The following ANGPT1 variants were observed in gnomAD, a reference collection of about 807,000 sequenced individuals.
ANGPT1 encodes the protein angiopoietin 1.
Under a neutral mutation model 62.2 loss-of-function variants are expected in ANGPT1, and 17 were observed. The observed-to-expected ratio is 0.27, with a 90% CI of 0.19 to 0.41. The LOEUF (loss-of-function observed/expected upper bound fraction) is 0.41, where lower values mean the gene tolerates loss of function less well. Among genes scored for constraint, ANGPT1 ranks in the 10% least tolerant of loss-of-function variants. The pLI is 1.00. For synonymous variants in ANGPT1, 199 were observed against 198.9 expected, an observed-to-expected ratio of 1.00 and a Z score of 0.00; for missense variants, 478 against 594.9, an observed-to-expected ratio of 0.80 and a Z score of 2.04.
intron 8 of ANGPT1, among the ~76,000 whole-genome samples, chr8:107,257,876 G>GTA (rs1813396590): frequency 1.2e-5 from 1 of 85,260 alleles, no homozygotes; most frequent in East Asian, 3.4e-4. Flanking sequence ...ACTTGTTTTT[G>GTA]TTTCTTTTTT....
chr8:107,294,097 T>C (rs1563554340), intron 5 of ANGPT1, 60 bp from the exon 6 acceptor site: 7 of 1,380,460 alleles, frequency 5.1e-6, no homozygotes, highest in Non-Finnish European at 5.1e-6. Flanking sequence ...ACATATATCC[T>C]ACATGTTTCA....
chr8:107,446,298 T>A (rs1359402971), intron 1 of ANGPT1, among the ~76,000 whole-genome samples: 1 of 152,224 alleles, frequency 6.6e-6, no homozygotes, highest in Non-Finnish European at 1.5e-5. Context: ...TTTTTATATA[T>A]TTTTGTAGTA....
intron 4 of ANGPT1, among the ~76,000 whole-genome samples, chr8:107,304,034 C>G (rs1471634454): frequency 6.6e-6 from 1 of 151,826 alleles, no homozygotes; most frequent in Non-Finnish European, 1.5e-5. Context: ...TTACTTTGTT[C>G]TTTCTTTAAT....
intron 1 of ANGPT1, among the ~76,000 whole-genome samples, chr8:107,348,825 G>A (rs1450016685): frequency 6.6e-6 from 1 of 152,106 alleles, no homozygotes; most frequent in African/African-American, 2.4e-5. Flanking sequence ...AAATGCTTCA[G>A]GTAGAGTTGT....
chr8:107,359,817 G>A (rs967897368), intron 1 of ANGPT1, among the ~76,000 whole-genome samples: 1 of 152,128 alleles, frequency 6.6e-6, no homozygotes, highest in Non-Finnish European at 1.5e-5. Flanking sequence ...TCTGGCTGAC[G>A]GGAATACAGG....
At chr8:107,386,981 C>T (rs1816743502) in intron 1 of ANGPT1, among the ~76,000 whole-genome samples, 1 of 151,916 alleles carries the variant, frequency 6.6e-6, no homozygotes, top group Admixed American at 6.6e-5. Context: ...AACTATGTGC[C>T]AGCTACTGTG....
chr8:107,472,804 C>A (rs191933495), intron 1 of ANGPT1, among the ~76,000 whole-genome samples: 3 of 151,830 alleles, frequency 2.0e-5, no homozygotes, highest in Non-Finnish European at 4.4e-5. Context: ...CATATAAGAA[C>A]ATTATGTCTT....
At chr8:107,473,593 C>T (rs1300576772) in intron 1 of ANGPT1, among the ~76,000 whole-genome samples, 2 of 151,948 alleles carry the variant, frequency 1.3e-5, no homozygotes, top group Non-Finnish European at 2.9e-5. Flanking sequence ...CAAAATGGAA[C>T]CATAGAGCTT....
intron 1 of ANGPT1, among the ~76,000 whole-genome samples, chr8:107,455,495 A>G (rs1429186946): frequency 6.6e-6 from 1 of 152,004 alleles, no homozygotes. Context: ...TGTCCTGGCA[A>G]TGTGGTGAAT....
intron 4 of ANGPT1, among the ~76,000 whole-genome samples, chr8:107,307,607 T>C (rs1281530622): frequency 6.6e-6 from 1 of 152,098 alleles, no homozygotes; most frequent in Non-Finnish European, 1.5e-5. Context: ...TCCTAGTCCC[T>C]TTCAACTTCT....
rs550783963 is a variant in ANGPT1, at chr8:107,296,254, C to T, written c.937-2217G>A. Reference sequence around the variant, plus strand: ...GAGAAGGACAGAATACATCAGGAAACTTTAGGTGGGCAGGGATTTCTTTCA... The same window carrying T: ...GAGAAGGACAGAATACATCAGGAAATTTTAGGTGGGCAGGGATTTCTTTCA... On this transcript the variant is annotated intron_variant, in intron 5 of 8. Transcript: ENST00000517746. Among the ~76,000 whole-genome samples the T allele has an allele frequency of 2.0e-5, 3 of 152,078 alleles. No homozygotes were observed. The South Asian group carries it at 6.2e-4, about 32-fold the overall frequency.
At chr8:107,346,177 G>T (rs1815800158) in intron 2 of ANGPT1, among the ~76,000 whole-genome samples, 1 of 152,134 alleles carries the variant, frequency 6.6e-6, no homozygotes, top group Non-Finnish European at 1.5e-5. Context: ...TAGAAATCAT[G>T]TTGCACCTTA....
chr8:107,482,996 T>C (rs1812726510), intron 1 of ANGPT1, among the ~76,000 whole-genome samples: 2 of 152,160 alleles, frequency 1.3e-5, no homozygotes, highest in Admixed American at 6.6e-5. Context: ...AAAGGAGCTT[T>C]CCAAATATTT....
In ANGPT1 at chr8:107,463,719, C is replaced by G. The variant is rs567727926; in HGVS notation, c.297+33543G>C. ...TATATATATAATCAATTCCCATGTA[C>G]AGCTGCTGACAAATTTAGGGTACTC... On this transcript the variant is annotated intron_variant, in intron 1 of 8. Transcript: ENST00000517746. 2.0e-5 allele frequency among the ~76,000 whole-genome samples: 3 copies of G among 152,094 alleles called. No homozygotes were observed. The East Asian group carries it at 5.8e-4, about 29-fold the overall frequency.
Position 107,250,808 on chromosome 8 carries a change from A to G in ANGPT1, c.*1047T>C, listed in dbSNP as rs1440704012. 6.6e-6 allele frequency: 1 copy of G among 152,094 alleles called. No homozygotes were observed. The highest frequency in any genetic ancestry group is 1.5e-5 in the Non-Finnish European group (1 of 67,964). 9.4% of individuals were successfully genotyped at this position (152,094 alleles called of 1,614,324 possible). ...TAAATTAGCAAGACATAACAGGGTG[A>G]GTATTGGAGTTCTAAAAATATTTTT... is the stretch of plus-strand genomic sequence containing the variant. On this transcript the variant is annotated 3_prime_UTR_variant, in exon 9 of 9. Coordinates refer to ENST00000517746, the MANE Select transcript of ANGPT1 (RefSeq NM_001146.5).
intron 1 of ANGPT1, among the ~76,000 whole-genome samples, chr8:107,368,014 G>T (rs1816311289): frequency 6.6e-6 from 1 of 152,134 alleles, no homozygotes; most frequent in African/African-American, 2.4e-5. Flanking sequence ...GTTCTTACTG[G>T]CTTCTAGAAT....
chr8:107,378,967 C>T (rs1816584567), intron 1 of ANGPT1, among the ~76,000 whole-genome samples: 1 of 150,632 alleles, frequency 6.6e-6, no homozygotes, highest in Non-Finnish European at 1.5e-5. Flanking sequence ...TATATAACTG[C>T]TTCAAGACTA....
chr8:107,422,925 T>C (rs1810929876), intron 1 of ANGPT1, among the ~76,000 whole-genome samples: 1 of 152,202 alleles, frequency 6.6e-6, no homozygotes, highest in Non-Finnish European at 1.5e-5. Context: ...CAGAGAAATT[T>C]GCAGTTACCT....
intron 1 of ANGPT1, among the ~76,000 whole-genome samples, chr8:107,426,159 A>T (rs1391978181): frequency 6.6e-6 from 1 of 152,180 alleles, no homozygotes; most frequent in African/African-American, 2.4e-5. Flanking sequence ...AGAGAATTCT[A>T]CAACAACCAG....
Sources: gnomAD v4.1 joint callset for allele counts (sites outside exome capture counted in the v4.1 genomes callset) on GRCh38, gnomAD v4.1.1 for gene constraint, MANE v1.5 for transcripts, NCBI Gene and HGNC (gene_info 2026-07-23, HGNC 2026-07-21) for gene names.